The following CHCHD6 variants were observed in gnomAD, a reference collection of about 807,000 sequenced individuals.
The protein encoded by CHCHD6 is coiled-coil-helix-coiled-coil-helix domain containing 6.
CHCHD6 carries 28 observed loss-of-function variants against 32.3 expected under a neutral mutation model. The ratio of observed to expected loss-of-function variants is 0.87; its 90% CI spans 0.64 to 1.19. CHCHD6 has a LOEUF of 1.19. CHCHD6 is among the 50% of genes most tolerant of loss of function. The probability of loss-of-function intolerance (pLI) is 0.00; values close to 1 mark genes in which losing one functional copy is unlikely to be tolerated. For synonymous variants in CHCHD6, 122 were observed against 117.5 expected (o/e 1.04, Z -0.25); for missense variants, 333 against 307.0 (o/e 1.08, Z -0.63).
chr3:126,717,364 C>T (rs1013763063), intron 1 of CHCHD6, among the ~76,000 whole-genome samples: 5 of 152,156 alleles, frequency 3.3e-5, no homozygotes, highest in Non-Finnish European at 7.3e-5. Context: ...CACTCCTGTC[C>T]TTGTTCATTC....
At chr3:126,913,014 G>A (rs1207281137) in intron 5 of CHCHD6, among the ~76,000 whole-genome samples, 1 of 152,166 alleles carries the variant, frequency 6.6e-6, no homozygotes, top group African/African-American at 2.4e-5. Context: ...CAGGCTAGCT[G>A]TGTGCCTGGT....
intron 1 of CHCHD6, among the ~76,000 whole-genome samples, chr3:126,726,110 T>G (rs971707682): frequency 1.3e-5 from 2 of 152,244 alleles, no homozygotes; most frequent in Non-Finnish European, 2.9e-5. Flanking sequence ...GCTTTCGACA[T>G]GCCTTCCTCA....
chr3:126,867,893 G>A (rs1942341130), intron 5 of CHCHD6, among the ~76,000 whole-genome samples: 1 of 152,214 alleles, frequency 6.6e-6, no homozygotes, highest in Admixed American at 6.5e-5. Flanking sequence ...CCTGTTTCAG[G>A]CAGACTCTAT....
chr3:126,867,758 C>T (rs1942336293), intron 5 of CHCHD6, among the ~76,000 whole-genome samples: 1 of 152,174 alleles, frequency 6.6e-6, no homozygotes, highest in Non-Finnish European at 1.5e-5. Context: ...GTGACCAAGT[C>T]CTGCCCACAT....
chr3:126,709,466 A>C (rs890172896), intron 1 of CHCHD6, among the ~76,000 whole-genome samples: 1 of 152,190 alleles, frequency 6.6e-6, no homozygotes, highest in Admixed American at 6.5e-5. Context: ...GTTTTTTTGC[A>C]GGCAAATGTT....
intron 4 of CHCHD6, among the ~76,000 whole-genome samples, chr3:126,782,900 A>G (rs1938015597): frequency 6.6e-6 from 1 of 152,178 alleles, no homozygotes. Flanking sequence ...GGGCAGGCAG[A>G]TGATTTTTGT....
intron 4 of CHCHD6, among the ~76,000 whole-genome samples, chr3:126,844,510 T>C (rs922443471): frequency 2.6e-5 from 4 of 152,224 alleles, no homozygotes; most frequent in African/African-American, 7.2e-5. Flanking sequence ...CTTTAACTAA[T>C]ATTAATATAG....
chr3:126,875,868 C>T (rs990052649), intron 5 of CHCHD6, among the ~76,000 whole-genome samples: 2 of 152,204 alleles, frequency 1.3e-5, no homozygotes, highest in South Asian at 2.1e-4. Flanking sequence ...CCATGAAAAC[C>T]TGTAGGGTCC....
intron 4 of CHCHD6, among the ~76,000 whole-genome samples, chr3:126,752,338 A>G (rs1936759936): frequency 6.6e-6 from 1 of 151,988 alleles, no homozygotes; most frequent in Non-Finnish European, 1.5e-5. Flanking sequence ...TGTTGGCAGG[A>G]CTCTGGTCAC....
chr3:126,945,078 G>A lies in CHCHD6; in HGVS notation c.567-12338G>A, dbSNP rs138371647. On this transcript the variant is annotated intron_variant, in intron 6 of 7. Coordinates refer to ENST00000290913, the MANE Select transcript of CHCHD6 (RefSeq NM_032343.3). ...ATTTAGCATAGGTCTTTACGGGGGC[G>A]TTTTAGGCTGGTACGATGGAGTTTG... 1.6e-3 allele frequency among the ~76,000 whole-genome samples: 247 copies of A among 152,298 alleles called. 2 individuals carry two copies. The highest frequency in any genetic ancestry group is 5.4e-3 in the African/African-American group (224 of 41,570).
At chr3:126,862,217 C>G (rs1440389572) in intron 5 of CHCHD6, among the ~76,000 whole-genome samples, 2 of 120,386 alleles carry the variant, frequency 1.7e-5, no homozygotes, top group Admixed American at 8.1e-5. Context: ...ACCATCATCA[C>G]CACCTCCTCC....
intron 6 of CHCHD6, among the ~76,000 whole-genome samples, chr3:126,950,193 T>C (rs960571418): frequency 3.3e-5 from 5 of 151,920 alleles, no homozygotes; most frequent in African/African-American, 4.8e-5. Flanking sequence ...AGTTTTGTCA[T>C]TGAGGGAAGG....
intron 5 of CHCHD6, among the ~76,000 whole-genome samples, chr3:126,855,188 A>G (rs1046206321): frequency 3.9e-5 from 6 of 152,210 alleles, no homozygotes; most frequent in Non-Finnish European, 7.3e-5. Context: ...TGACACAGAC[A>G]GGGGCCTTGT....
intron 1 of CHCHD6, among the ~76,000 whole-genome samples, chr3:126,724,630 C>G (rs952781960): frequency 6.6e-6 from 1 of 152,134 alleles, no homozygotes; most frequent in Non-Finnish European, 1.5e-5. Flanking sequence ...CTCTTCCTTT[C>G]ACAAAAGATT....
Position 126,733,240 on chromosome 3 carries a change from C to T in CHCHD6, c.411+18C>T, listed in dbSNP as rs1576350740. 6.2e-7 allele frequency: 1 copy of T among 1,608,692 alleles called. No homozygotes were observed. Among genetic ancestry groups the T allele is most frequent in the East Asian group, 2.2e-5 (1 of 44,676 alleles). ...TCCGGCTGGTGAGTGCAGATTTTCC[C>T]TGATCTGGCCTTCTGAGCTGGGCAG... On this transcript the variant is annotated intron_variant, in intron 4 of 7. Transcript: ENST00000290913.
intron 4 of CHCHD6, among the ~76,000 whole-genome samples, chr3:126,835,848 TC>T (rs1173597395): frequency 6.6e-6 from 1 of 152,232 alleles, no homozygotes; most frequent in African/African-American, 2.4e-5. Context: ...AGGCAGGGAT[TC>T]TGTTCTCCAG....
intron 4 of CHCHD6, among the ~76,000 whole-genome samples, chr3:126,811,520 C>T (rs1325280314): frequency 6.6e-6 from 1 of 151,518 alleles, no homozygotes; most frequent in Non-Finnish European, 1.5e-5. Flanking sequence ...TTGTTATTTC[C>T]GTTCTAATTC....
At chr3:126,812,869 A>T (rs935866896) in intron 4 of CHCHD6, among the ~76,000 whole-genome samples, 1 of 152,050 alleles carries the variant, frequency 6.6e-6, no homozygotes, top group Non-Finnish European at 1.5e-5. Flanking sequence ...TTTATCCTGG[A>T]GGCTTCTTGC....
Position 126,916,167 on chromosome 3 carries a change from G to A in CHCHD6, c.566+1417G>A, listed in dbSNP as rs773516099. 2.1e-4 allele frequency among the ~76,000 whole-genome samples: 32 copies of A among 152,074 alleles called. 1 individual carries two copies. Among genetic ancestry groups the A allele is most frequent in the Admixed American group, 1.6e-3 (25 of 15,276 alleles). On this transcript the variant is annotated intron_variant, in intron 6 of 7. Coordinates refer to ENST00000290913, the MANE Select transcript of CHCHD6 (RefSeq NM_032343.3). ...TGTAATCCCAGCACTTTGGGAGGCC[G>A]AGGTGGGCAGATCACCTGAGGTCAA...
Sources: gnomAD v4.1 joint callset for allele counts (sites outside exome capture counted in the v4.1 genomes callset) on GRCh38, gnomAD v4.1.1 for gene constraint, MANE v1.5 for transcripts, NCBI Gene and HGNC (gene_info 2026-07-23, HGNC 2026-07-21) for gene names.